KCNMA1: variants seen among roughly 807,000 people sequenced by gnomAD.
KCNMA1 encodes potassium calcium-activated channel subfamily M alpha 1.
A neutral mutation model predicts 140.0 loss-of-function variants in KCNMA1; 29 were observed. The observed-to-expected ratio is 0.21, with a 90% CI of 0.15 to 0.28. The LOEUF (loss-of-function observed/expected upper bound fraction) is 0.28, where lower values mean the gene tolerates loss of function less well. Ranked by LOEUF, KCNMA1 falls within the 10% of genes least tolerant of loss-of-function variation. The pLI is 1.00. For synonymous variants in KCNMA1, 612 were observed against 611.9 expected, an observed-to-expected ratio of 1.00 and a Z score of 0.00; for missense variants, 880 against 1,602.2, an observed-to-expected ratio of 0.55 and a Z score of 7.70.
At chr10:77,359,603 G>C (rs2093777816) in intron 2 of KCNMA1, among the ~76,000 whole-genome samples, 1 of 152,150 alleles carries the variant, frequency 6.6e-6, no homozygotes. Context: ...CCCACGCCAG[G>C]GACAAGTATA....
intron 1 of KCNMA1, among the ~76,000 whole-genome samples, chr10:77,555,057 T>TACACACACCCAC (rs111952376): frequency 6.6e-6 from 1 of 151,428 alleles, no homozygotes; most frequent in Non-Finnish European, 1.5e-5. Context: ...TCTTACCACA[T>TACACACACCCAC]ACACACACGC....
At chr10:77,239,063 T>C (rs988866826) in intron 3 of KCNMA1, among the ~76,000 whole-genome samples, 1 of 152,224 alleles carries the variant, frequency 6.6e-6, no homozygotes, top group East Asian at 1.9e-4. Context: ...ACCTCGTACC[T>C]GATAACAGAT....
At chr10:77,354,509 G>A (rs74380338) in intron 2 of KCNMA1, 31,828 of 152,106 alleles carry the variant, frequency 0.21, 3,561 homozygotes, top group Admixed American at 0.26. Flanking sequence ...TTTGGAGGTT[G>A]GGAAGAGCTT....
At chr10:77,106,330 G>A (rs1169984821) in intron 9 of KCNMA1, among the ~76,000 whole-genome samples, 1 of 152,300 alleles carries the variant, frequency 6.6e-6, no homozygotes, top group Non-Finnish European at 1.5e-5. Flanking sequence ...TACAGAGCCA[G>A]AACAGAGTGG....
chr10:77,510,374 T>C (rs191484363), intron 1 of KCNMA1, among the ~76,000 whole-genome samples: 2 of 152,102 alleles, frequency 1.3e-5, no homozygotes, highest in Admixed American at 6.5e-5. Flanking sequence ...TACCACTTAA[T>C]TGACTGATTG....
chr10:77,203,582 AG>A (rs1356347488), intron 3 of KCNMA1, among the ~76,000 whole-genome samples: 4 of 152,058 alleles, frequency 2.6e-5, no homozygotes, highest in African/African-American at 9.7e-5. Context: ...TGAGCTCCTG[AG>A]GGGAGAGCCT....
intron 14 of KCNMA1, among the ~76,000 whole-genome samples, chr10:77,067,594 C>T (rs2096006817): frequency 6.6e-6 from 1 of 152,178 alleles, no homozygotes; most frequent in Non-Finnish European, 1.5e-5. Context: ...CTAAGTCATC[C>T]CCAGCCCTTC....
rs376229446 is a variant in KCNMA1, at chr10:77,277,842, T to C, written c.541-26586A>G. Reference sequence around the variant, plus strand: ...GAGAAGGATGATCTCCAAAGCTGCCTGGGAAGTCTGCAGTTACGCCTTTGG... The same window carrying C: ...GAGAAGGATGATCTCCAAAGCTGCCCGGGAAGTCTGCAGTTACGCCTTTGG... On this transcript the variant is annotated intron_variant, in intron 2 of 27. Coordinates refer to ENST00000286628, the MANE Select transcript of KCNMA1 (RefSeq NM_001161352.2). 5.3e-5 allele frequency among the ~76,000 whole-genome samples: 8 copies of C among 152,328 alleles called. No individual in the cohort carries two copies. In the East Asian group the frequency reaches 1.2e-3, roughly 22 times the overall value.
chr10:77,048,246 A>G (rs1253331184), intron 14 of KCNMA1, among the ~76,000 whole-genome samples: 1 of 151,978 alleles, frequency 6.6e-6, no homozygotes, highest in African/African-American at 2.4e-5. Context: ...GAAAGTTTCT[A>G]AGCACTTACT....
intron 1 of KCNMA1, among the ~76,000 whole-genome samples, chr10:77,442,966 T>G (rs1443323398): frequency 6.6e-6 from 1 of 152,208 alleles, no homozygotes; most frequent in Admixed American, 6.5e-5. Context: ...TCACTCCGCA[T>G]AGGTGGCCAA....
At chr10:77,296,949 T>C (rs1317805017) in intron 2 of KCNMA1, among the ~76,000 whole-genome samples, 1 of 151,290 alleles carries the variant, frequency 6.6e-6, no homozygotes. Context: ...AGAACAAAGT[T>C]CCTTCTGGAG....
rs1006088520 is a variant in KCNMA1 at position 77,098,269 on chromosome 10, C to T, written c.1224-7759G>A. On this transcript the variant is annotated intron_variant, in intron 9 of 27. Transcript: ENST00000286628. Reference sequence around the variant, plus strand: ...CTGCATACACCCTCTCTTCTGTGGACAGCACCTCATTTTAATTTGGGGAAT... The same window carrying T: ...CTGCATACACCCTCTCTTCTGTGGATAGCACCTCATTTTAATTTGGGGAAT... 2.6e-5 allele frequency among the ~76,000 whole-genome samples: 4 copies of T among 152,168 alleles called. No individual in the cohort carries two copies. The East Asian group carries it at 7.7e-4, about 29-fold the overall frequency.
intron 2 of KCNMA1, among the ~76,000 whole-genome samples, chr10:77,359,008 GC>G (rs1311955764): frequency 2.0e-5 from 3 of 152,134 alleles, no homozygotes; most frequent in Non-Finnish European, 4.4e-5. Context: ...CATGTTTTGT[GC>G]ATGTGCCCAC....
intron 1 of KCNMA1, among the ~76,000 whole-genome samples, chr10:77,524,201 T>G (rs1400062670): frequency 6.6e-6 from 1 of 152,228 alleles, no homozygotes; most frequent in Admixed American, 6.5e-5. Context: ...ATAGGGGTTG[T>G]GGTGCAAAAA....
At chr10:77,265,847 G>A (rs1305221343) in intron 2 of KCNMA1, among the ~76,000 whole-genome samples, 15 of 152,226 alleles carry the variant, frequency 9.9e-5, no homozygotes, top group Admixed American at 5.2e-4. Flanking sequence ...TTGGGAGGCC[G>A]AGATGGGCAG....
At chr10:77,420,002 G>A (rs1450184984) in intron 1 of KCNMA1, among the ~76,000 whole-genome samples, 2 of 152,188 alleles carry the variant, frequency 1.3e-5, no homozygotes, top group Non-Finnish European at 2.9e-5. Flanking sequence ...TTAGAGCTCT[G>A]CCTATAAACA....
intron 15 of KCNMA1, among the ~76,000 whole-genome samples, chr10:77,030,132 G>T (rs1369930434): frequency 6.6e-6 from 1 of 152,190 alleles, no homozygotes; most frequent in East Asian, 1.9e-4. Context: ...ACAGTCAGAT[G>T]TCAAAGGACC....
intron 5 of KCNMA1, among the ~76,000 whole-genome samples, chr10:77,156,749 A>G (rs910501915): frequency 1.3e-5 from 2 of 152,176 alleles, no homozygotes; most frequent in Admixed American, 1.3e-4. Context: ...TGGCCCTGGG[A>G]GATGTTTTTC....
In KCNMA1 at chr10:77,591,686, A is replaced by C. The variant is rs542922218; in HGVS notation, c.378+45579T>G. On this transcript the variant is annotated intron_variant, in intron 1 of 27. Coordinates refer to ENST00000286628, the MANE Select transcript of KCNMA1 (RefSeq NM_001161352.2). ...CACTAACTGGACACCTGTGTTTTAC[A>C]TGCAATCCCTGTGCTCCTGGCTTCC... Among the ~76,000 whole-genome samples the C allele has an allele frequency of 9.2e-5, 14 of 152,206 alleles. No homozygotes were observed. In the East Asian group the frequency reaches 2.5e-3, roughly 27 times the overall value.
Sources: allele counts gnomAD v4.1 joint callset (sites outside exome capture counted in the v4.1 genomes callset), GRCh38; gene constraint gnomAD v4.1.1; transcripts MANE v1.5; gene names NCBI Gene and HGNC (gene_info 2026-07-23, HGNC 2026-07-21).